Variants in ADGRL3 observed in about 807,000 individuals in gnomAD.
ADGRL3 encodes adhesion G protein-coupled receptor L3, also known as calcium-independent alpha-latrotoxin receptor 3.
In ADGRL3, 62 loss-of-function variants were observed where a neutral mutation model predicts 153.5. The observed-to-expected ratio is 0.40, with a 90% CI of 0.33 to 0.50. The LOEUF (loss-of-function observed/expected upper bound fraction) is 0.50, where lower values mean the gene tolerates loss of function less well. Among genes scored for constraint, ADGRL3 ranks in the 20% least tolerant of loss-of-function variants. The probability of loss-of-function intolerance (pLI) is 0.47; values close to 1 mark genes in which losing one functional copy is unlikely to be tolerated. For missense variants in ADGRL3, 1,641 were observed against 1,859.4 expected, an observed-to-expected ratio of 0.88 and a Z score of 2.16; for synonymous variants, 710 against 672.5, an observed-to-expected ratio of 1.06 and a Z score of -0.86.
intron 5 of ADGRL3, among the ~76,000 whole-genome samples, chr4:61,664,324 G>T (rs962738366): frequency 1.3e-5 from 2 of 152,136 alleles, no homozygotes; most frequent in African/African-American, 4.8e-5. Flanking sequence ...AGTCCTGAAA[G>T]AATATCATCC....
At chr4:61,998,306 A>G (rs1256351787) in intron 21 of ADGRL3, 41 bp downstream of exon 21, 1 of 1,024,310 alleles carries the variant, frequency 9.8e-7, no homozygotes, top group Non-Finnish European at 1.4e-6. Context: ...GTTGTGTTAC[A>G]TTTATACTCC....
chr4:61,814,351 A>G (rs1309754756), intron 9 of ADGRL3, among the ~76,000 whole-genome samples: 1 of 151,918 alleles, frequency 6.6e-6, no homozygotes, highest in East Asian at 1.9e-4. Flanking sequence ...TTTTTAAAAT[A>G]TGTGTTAAAA....
chr4:61,500,499 G>A (rs1337401314), intron 3 of ADGRL3, among the ~76,000 whole-genome samples: 2 of 152,276 alleles, frequency 1.3e-5, no homozygotes, highest in East Asian at 1.9e-4. Context: ...CCTGGCTTAA[G>A]AGAATACTGC....
intron 1 of ADGRL3, among the ~76,000 whole-genome samples, chr4:61,373,557 T>G (rs1218520790): frequency 6.6e-6 from 1 of 152,302 alleles, no homozygotes; most frequent in East Asian, 1.9e-4. Context: ...CAAAACGAAT[T>G]GATTACATTT....
intron 9 of ADGRL3, among the ~76,000 whole-genome samples, chr4:61,821,010 A>G (rs1380569513): frequency 2.0e-5 from 3 of 152,196 alleles, no homozygotes; most frequent in Non-Finnish European, 4.4e-5. Flanking sequence ...TGAGGTTTAC[A>G]TATACCAGTT....
chr4:61,492,290 A>G (rs765209304), intron 2 of ADGRL3, among the ~76,000 whole-genome samples: 4 of 152,208 alleles, frequency 2.6e-5, no homozygotes, highest in Admixed American at 1.3e-4. Context: ...ATAATTTATA[A>G]CAAGTGAAAA....
chr4:61,933,584 G>A (rs980897912), intron 13 of ADGRL3, among the ~76,000 whole-genome samples: 1 of 152,144 alleles, frequency 6.6e-6, no homozygotes, highest in African/African-American at 2.4e-5. Flanking sequence ...GTACAGTGAT[G>A]TTGATTTTTG....
intron 19 of ADGRL3, among the ~76,000 whole-genome samples, chr4:61,985,109 G>A (rs1477091387): frequency 2.6e-5 from 4 of 151,914 alleles, no homozygotes; most frequent in Non-Finnish European, 4.4e-5. Context: ...TACTAAAAGT[G>A]GTTTTAGAAT....
At chr4:61,847,811 T>A (rs1313622721) in intron 9 of ADGRL3, among the ~76,000 whole-genome samples, 2 of 9,548 alleles carry the variant, frequency 2.1e-4, no homozygotes, top group African/African-American at 5.5e-4. Flanking sequence ...ATAAAATATA[T>A]TATATATATA....
intron 8 of ADGRL3, among the ~76,000 whole-genome samples, chr4:61,805,526 C>T (rs774072399): frequency 1.3e-5 from 2 of 152,118 alleles, no homozygotes; most frequent in Non-Finnish European, 2.9e-5. Context: ...CCTGCTAGTT[C>T]TCCTTTGAAA....
chr4:61,323,019 G>C (rs2135241), intron 1 of ADGRL3, among the ~76,000 whole-genome samples: 106,759 of 152,154 alleles, frequency 0.7, 38,073 homozygotes, highest in East Asian at 0.97. Flanking sequence ...CATAAATCCT[G>C]TGAAATCTAC....
chr4:61,947,154 A>T, intron 16 of ADGRL3, 32 bp downstream of exon 16: 17 of 1,518,742 alleles, frequency 1.1e-5, no homozygotes, highest in Non-Finnish European at 1.6e-5. Context: ...TTGGTTGTTC[A>T]TATTATCTGT....
intron 6 of ADGRL3, among the ~76,000 whole-genome samples, chr4:61,677,703 G>C (rs1021100410): frequency 6.6e-6 from 1 of 151,950 alleles, no homozygotes; most frequent in Non-Finnish European, 1.5e-5. Flanking sequence ...GCTTATCCCA[G>C]AGATAGAAAA....
chr4:61,892,235 T>TTC (rs1216812394), intron 9 of ADGRL3, among the ~76,000 whole-genome samples: 1 of 151,850 alleles, frequency 6.6e-6, no homozygotes, highest in African/African-American at 2.4e-5. Flanking sequence ...AAATCCATAT[T>TTC]ACACTTCATG....
At chr4:61,722,575 T>C (rs1200946743) in intron 6 of ADGRL3, among the ~76,000 whole-genome samples, 1 of 152,178 alleles carries the variant, frequency 6.6e-6, no homozygotes, top group Admixed American at 6.5e-5. Flanking sequence ...TGAATAATAA[T>C]ATGTTCCTTA....
At chr4:61,817,740 G>A (rs763772026) in intron 9 of ADGRL3, among the ~76,000 whole-genome samples, 10 of 152,196 alleles carry the variant, frequency 6.6e-5, no homozygotes, top group Admixed American at 2.6e-4. Context: ...ATGGTAGAAG[G>A]TGAAAGGCAT....
intron 2 of ADGRL3, among the ~76,000 whole-genome samples, chr4:61,404,784 T>A (rs2096973001): frequency 6.6e-6 from 1 of 152,094 alleles, no homozygotes; most frequent in Non-Finnish European, 1.5e-5. Flanking sequence ...CATTCATGTT[T>A]TCAATAATCA....
At chr4:61,966,842 G>T (rs1424832130) in intron 17 of ADGRL3, among the ~76,000 whole-genome samples, 2 of 152,046 alleles carry the variant, frequency 1.3e-5, no homozygotes, top group Non-Finnish European at 2.9e-5. Flanking sequence ...CTATTGTAAA[G>T]TCAAAAAATC....
At chr4:61,967,960 A>C (rs778673692) in intron 17 of ADGRL3, among the ~76,000 whole-genome samples, 11 of 152,202 alleles carry the variant, frequency 7.2e-5, no homozygotes, top group Non-Finnish European at 1.3e-4. Context: ...CAGAAGGCAG[A>C]GGGCAAGAGA....
Sources: allele counts gnomAD v4.1 joint callset (sites outside exome capture counted in the v4.1 genomes callset), GRCh38; gene constraint gnomAD v4.1.1; transcripts MANE v1.5; gene names NCBI Gene and HGNC (gene_info 2026-07-23, HGNC 2026-07-21).